The following PDZRN4 variants were observed in gnomAD, a reference collection of about 807,000 sequenced individuals.
PDZRN4 encodes the protein PDZ domain containing ring finger 4.
Under a neutral mutation model 99.0 loss-of-function variants are expected in PDZRN4, and 70 were observed. The ratio of observed to expected loss-of-function variants is 0.71; its 90% confidence interval spans 0.58 to 0.86. The LOEUF is 0.86. PDZRN4 is among the 40% of genes least tolerant of loss of function. The pLI is 0.00. For synonymous variants in PDZRN4, 551 were observed against 501.6 expected (o/e 1.10, Z -1.32); for missense variants, 1,474 against 1,331.2 (o/e 1.11, Z -1.67).
intron 5 of PDZRN4, among the ~76,000 whole-genome samples, chr12:41,538,637 G>A (rs886522576): frequency 2.0e-5 from 3 of 151,964 alleles, no homozygotes; most frequent in African/African-American, 2.4e-5. Flanking sequence ...CAAGGAAAAC[G>A]CAATTGATAT....
At chr12:41,306,675 T>C (rs1951572301) in intron 3 of PDZRN4, among the ~76,000 whole-genome samples, 1 of 152,188 alleles carries the variant, frequency 6.6e-6, no homozygotes, top group African/African-American at 2.4e-5. Context: ...CCTTTTTGCT[T>C]AACAATTTCT....
intron 3 of PDZRN4, among the ~76,000 whole-genome samples, chr12:41,474,701 A>G (rs1953023985): frequency 6.6e-6 from 1 of 152,152 alleles, no homozygotes; most frequent in East Asian, 1.9e-4. Context: ...CGGGTGGAGG[A>G]TTATGGCTAT....
intron 3 of PDZRN4, among the ~76,000 whole-genome samples, chr12:41,198,005 C>G (rs942385250): frequency 1.4e-5 from 2 of 147,224 alleles, no homozygotes; most frequent in African/African-American, 5.0e-5. Context: ...GCCTCTACCT[C>G]TGGGACTCAA....
At chr12:41,238,559 G>C (rs952565816) in intron 3 of PDZRN4, among the ~76,000 whole-genome samples, 1 of 151,816 alleles carries the variant, frequency 6.6e-6, no homozygotes, top group Non-Finnish European at 1.5e-5. Context: ...TAAAAAGTGG[G>C]CAAAGAACAT....
intron 5 of PDZRN4, among the ~76,000 whole-genome samples, chr12:41,513,235 A>G (rs1014416094): frequency 2.6e-5 from 4 of 152,058 alleles, no homozygotes; most frequent in African/African-American, 9.7e-5. Context: ...AGACAAGCAA[A>G]TGCTTCTTTG....
chr12:41,298,421 G>A (rs1319692589), intron 3 of PDZRN4, among the ~76,000 whole-genome samples: 2 of 152,102 alleles, frequency 1.3e-5, no homozygotes, highest in African/African-American at 2.4e-5. Context: ...TACCAAAGCT[G>A]CGTTGCCAGT....
At chr12:41,289,635 T>G (rs994683955) in intron 3 of PDZRN4, among the ~76,000 whole-genome samples, 1 of 151,002 alleles carries the variant, frequency 6.6e-6, no homozygotes, top group Non-Finnish European at 1.5e-5. Context: ...ATGTAACCAG[T>G]GCAGCTTGCA....
At chr12:41,251,817 C>T (rs527567487) in intron 3 of PDZRN4, among the ~76,000 whole-genome samples, 1 of 152,028 alleles carries the variant, frequency 6.6e-6, no homozygotes, top group Non-Finnish European at 1.5e-5. Flanking sequence ...TTTATAAAAA[C>T]GTTATATTTA....
At chr12:41,481,535 T>C (rs1422549818) in intron 3 of PDZRN4, among the ~76,000 whole-genome samples, 1 of 152,144 alleles carries the variant, frequency 6.6e-6, no homozygotes, top group Non-Finnish European at 1.5e-5. Flanking sequence ...ACCAAAAGTC[T>C]TCCTTTTTGT....
chr12:41,341,161 A>G (rs1951813647), intron 3 of PDZRN4, among the ~76,000 whole-genome samples: 1 of 42,976 alleles, frequency 2.3e-5, no homozygotes, highest in African/African-American at 5.0e-5. Flanking sequence ...ACATCCTTTC[A>G]TGATAAAAAA....
intron 3 of PDZRN4, among the ~76,000 whole-genome samples, chr12:41,225,458 G>C (rs1950987304): frequency 6.7e-6 from 1 of 149,658 alleles, no homozygotes; most frequent in Non-Finnish European, 1.5e-5. Flanking sequence ...GATGTCATCT[G>C]TCACCTGTAT....
intron 3 of PDZRN4, among the ~76,000 whole-genome samples, chr12:41,238,556 T>C (rs6582283): frequency 0.67 from 101,794 of 151,640 alleles, 34,286 homozygotes; most frequent in South Asian, 0.73. Flanking sequence ...CATTAAAAAG[T>C]GGGCAAAGAA....
intron 3 of PDZRN4, among the ~76,000 whole-genome samples, chr12:41,260,552 T>C (rs1240602538): frequency 3.3e-5 from 5 of 152,164 alleles, no homozygotes; most frequent in Non-Finnish European, 7.4e-5. Flanking sequence ...ATTATGAAAC[T>C]AAGGTTGCCT....
At chr12:41,401,627 T>A (rs999511174) in intron 3 of PDZRN4, among the ~76,000 whole-genome samples, 3 of 152,142 alleles carry the variant, frequency 2.0e-5, no homozygotes, top group African/African-American at 7.2e-5. Flanking sequence ...TCTTCACTTT[T>A]GTGCAAATGC....
chr12:41,419,524 G>A lies in PDZRN4; in HGVS notation c.844-86932G>A, dbSNP rs112593924. Among the ~76,000 whole-genome samples, 856 of 152,202 alleles carry A rather than the reference G, an allele frequency of 5.6e-3. 10 individuals are homozygous for A. Among genetic ancestry groups the A allele is most frequent in the African/African-American group, 0.018 (763 of 41,540 alleles). On this transcript the variant is annotated intron_variant, in intron 3 of 9. Transcript: ENST00000402685. ...AGGTAACCAAAGCCAGGTTGGTTGT[G>A]GTGCCTTGGGATTTTTACCTAATGA...
In PDZRN4 at chr12:41,573,687, T is replaced by A; in HGVS notation, c.2908T>A (p.Cys970Ser). 1 of 1,613,754 alleles carries A rather than the reference T, an allele frequency of 6.2e-7. No homozygotes were observed. Among genetic ancestry groups the A allele is most frequent in the Non-Finnish European group, 8.5e-7 (1 of 1,179,942 alleles). ...REFMMRSRLECLKESPQSGSE... is the reference protein window; with the variant it reads ...REFMMRSRLESLKESPQSGSE... ...GTTCATGATGCGAAGCAGGTTAGAGTGTCTCAAGGAGAGCCCTCAGAGCGG... is the reference window on the plus strand; with the variant it reads ...GTTCATGATGCGAAGCAGGTTAGAGAGTCTCAAGGAGAGCCCTCAGAGCGG... The change falls in exon 10 of 10, where the codon TGT (cysteine) becomes AGT (serine). Residue 970 changes from cysteine to serine, a missense_variant. Cys to Ser is a moderately radical substitution (Grantham distance 112). Coordinates refer to ENST00000402685, the MANE Select transcript of PDZRN4 (RefSeq NM_001164595.2).
chr12:41,351,370 T>G (rs1433707898), intron 3 of PDZRN4, among the ~76,000 whole-genome samples: 1 of 152,034 alleles, frequency 6.6e-6, no homozygotes, highest in East Asian at 1.9e-4. Flanking sequence ...GACATATAAA[T>G]AGATGAAAAG....
At chr12:41,548,933 A>G (rs541637706) in intron 5 of PDZRN4, among the ~76,000 whole-genome samples, 4 of 152,320 alleles carry the variant, frequency 2.6e-5, no homozygotes, top group African/African-American at 9.6e-5. Context: ...CAACCTATAT[A>G]TAATCAATTT....
intron 3 of PDZRN4, among the ~76,000 whole-genome samples, chr12:41,416,490 CA>C (rs144448955): frequency 4.0e-5 from 6 of 150,682 alleles, no homozygotes; most frequent in East Asian, 2.0e-4. Context: ...ACTAAAAATA[CA>C]AAAAAAAATT....
Sources: allele counts gnomAD v4.1 joint callset (sites outside exome capture counted in the v4.1 genomes callset), GRCh38; gene constraint gnomAD v4.1.1; transcripts MANE v1.5; gene names NCBI Gene and HGNC (gene_info 2026-07-23, HGNC 2026-07-21).